PEA15: variants seen among roughly 807,000 people sequenced by gnomAD.
PEA15 encodes the protein astrocytic phosphoprotein PEA-15.
For synonymous variants in PEA15, 60 were observed against 61.8 expected, an observed-to-expected ratio of 0.97 and a Z score of 0.13; for missense variants, 77 against 161.3, an observed-to-expected ratio of 0.48 and a Z score of 2.83.
rs1419982262 is a variant in PEA15 at position 160,214,773 on chromosome 1, C to CAA, written c.*1292_*1293dup. On this transcript the variant is annotated 3_prime_UTR_variant, in exon 4 of 4. Transcript: ENST00000360472. ...GTCCAAACAAAAAAGAAGGCTTTTT[C>CAA]AAAAAACATTAAATTCACATGCAGT... 6.6e-6 allele frequency: 1 copy of CAA among 152,426 alleles called. No homozygotes were observed. Among genetic ancestry groups the CAA allele is most frequent in the African/African-American group, 2.4e-5 (1 of 41,400 alleles). 9.4% of individuals were successfully genotyped at this position (152,426 alleles called of 1,614,324 possible).
In PEA15 at chr1:160,213,788, T is replaced by A. The variant is rs931319329; in HGVS notation, c.*302T>A. 2.8e-5 allele frequency: 10 copies of A among 362,668 alleles called. No homozygotes were observed. Among genetic ancestry groups the A allele is most frequent in the Non-Finnish European group, 5.2e-5 (10 of 193,072 alleles). The allele number at this position is 362,668 out of a possible 1,614,324, so 22.5% of individuals were successfully genotyped here. The stretch of plus-strand genomic sequence containing the variant: ...CAAATAGAAATCAGCACATTCCTCC[T>A]ACTTCCCTTTCCTCCACTCCCCCCA... On this transcript the variant is annotated 3_prime_UTR_variant, in exon 4 of 4. Transcript: ENST00000360472. The surrounding 1 kb of genome is among the most constrained non-coding windows in gnomAD (Gnocchi z 5.3).
intron 1 of PEA15, chr1:160,211,247 A>G: frequency 9.4e-7 from 1 of 1,063,306 alleles, no homozygotes; most frequent in Non-Finnish European, 1.1e-6. Context: ...CTCCTCAGTC[A>G]GGGGAACTGT....
At chr1:160,209,510 GACACAC>G (rs111598251) in intron 1 of PEA15, among the ~76,000 whole-genome samples, 9 of 146,612 alleles carry the variant, frequency 6.1e-5, no homozygotes, top group Admixed American at 2.0e-4. Context: ...AACTCCTCCC[GACACAC>G]ACACACACAC....
chr1:160,208,591 G>A lies in PEA15; in HGVS notation c.-2-2952G>A, dbSNP rs1223090943. 1.3e-6 allele frequency: 2 copies of A among 1,550,256 alleles called. No individual in the cohort carries two copies. Among genetic ancestry groups the A allele is most frequent in the South Asian group, 2.4e-5 (2 of 84,056 alleles). On this transcript the variant is annotated intron_variant, in intron 1 of 3. Coordinates refer to ENST00000360472, the MANE Select transcript of PEA15 (RefSeq NM_003768.5). This position sits in a 1 kb window ranked among gnomAD's most constrained non-coding sequence, Gnocchi z 4.1. ...AGCCCTAAGGAAATCTGAATCTCTG[G>A]TGAGGAAAGTGACATGGAGGATGAA...
At chr1:160,212,982 C>A in intron 2 of PEA15, 128 bp from the exon 3 acceptor site, 1 of 850,954 alleles carries the variant, frequency 1.2e-6, no homozygotes, top group Non-Finnish European at 1.9e-6. Flanking sequence ...GCCCCTCTTC[C>A]TCCAGTGTTG....
chr1:160,214,445 GGACT>G lies in PEA15; in HGVS notation c.*960_*963del, dbSNP rs1236902974. The G allele has an allele frequency of 6.6e-6, 1 of 152,222 alleles. No individual in the cohort carries two copies. The highest frequency in any genetic ancestry group is 1.5e-5 in the Non-Finnish European group (1 of 68,074). The allele number at this position is 152,222 out of a possible 1,614,324, so 9.4% of individuals were successfully genotyped here. ...CCCCACCCCAATTCAATCCCGGAAG[GGACT>G]TACTTAGGAAACCCTTCTTTACTAG... On this transcript the variant is annotated 3_prime_UTR_variant, in exon 4 of 4. Transcript: ENST00000360472.
rs1654695692 is a variant in PEA15, at chr1:160,208,393, A to G, written c.-3+2871A>G. ...GGTGAGCCTAGCACAGAAAGCTGGG[A>G]GGGAAGAGGACTGACTTCCTGGCAG... On this transcript the variant is annotated intron_variant, in intron 1 of 3. Transcript: ENST00000360472. This position sits in a 1 kb window ranked among gnomAD's most constrained non-coding sequence, Gnocchi z 4.1. The G allele has an allele frequency of 8.8e-6, 5 of 569,438 alleles. No homozygotes were observed. Among genetic ancestry groups the G allele is most frequent in the South Asian group, 8.7e-5 (4 of 45,940 alleles). The allele number at this position is 569,438 out of a possible 1,614,324, so 35.3% of individuals were successfully genotyped here.
In PEA15 at chr1:160,211,528, G is replaced by A. The variant is rs1338316167; in HGVS notation, c.-2-15G>A. 7.5e-6 allele frequency: 12 copies of A among 1,596,794 alleles called. No individual in the cohort carries two copies. In the East Asian group the frequency reaches 1.1e-4, roughly 15 times the overall value. ...TAAGCTCAACTCCTATCCCTTTGTCGCCTCCCAACCCCAGTCATGGCTGAG... is the reference window on the plus strand; with the variant it reads ...TAAGCTCAACTCCTATCCCTTTGTCACCTCCCAACCCCAGTCATGGCTGAG... On this transcript the variant is annotated splice_polypyrimidine_tract_variant and intron_variant, in intron 1 of 3. Transcript: ENST00000360472.
At position 160,210,185 on chromosome 1, in the gene PEA15, G is replaced by A. The variant is rs185036186; in HGVS notation, c.-2-1358G>A. Among the ~76,000 whole-genome samples, 76 of 152,336 alleles carry A rather than the reference G, an allele frequency of 5.0e-4. 1 individual carries two copies. Among genetic ancestry groups the A allele is most frequent in the African/African-American group, 1.8e-3 (75 of 41,582 alleles). ...AGTTCCCCTGCAGTAGAGCAAGAAG[G>A]AAAATGTGAATGTGTCAACCAAGCC... On this transcript the variant is annotated intron_variant, in intron 1 of 3. Coordinates refer to ENST00000360472, the MANE Select transcript of PEA15 (RefSeq NM_003768.5).
In PEA15 at chr1:160,212,188, G is replaced by A. The variant is rs147514806; in HGVS notation, c.172+472G>A. Reference sequence around the variant, plus strand: ...TGGGGAGTGGGATCTATGGATTAGAGTAATCCCTCACAGCTGGAGGCTTTA... The same window carrying A: ...TGGGGAGTGGGATCTATGGATTAGAATAATCCCTCACAGCTGGAGGCTTTA... On this transcript the variant is annotated intron_variant, in intron 2 of 3. Coordinates refer to ENST00000360472, the MANE Select transcript of PEA15 (RefSeq NM_003768.5). Among the ~76,000 whole-genome samples the A allele has an allele frequency of 5.3e-5, 8 of 151,598 alleles. No individual in the cohort carries two copies. The East Asian group carries it at 1.6e-3, about 30-fold the overall frequency.
At chr1:160,212,416 C>G (rs1010854276) in intron 2 of PEA15, among the ~76,000 whole-genome samples, 4 of 151,816 alleles carry the variant, frequency 2.6e-5, no homozygotes, top group Non-Finnish European at 1.5e-5. Context: ...TTGTAGAGAG[C>G]CTGGGTATTG....
intron 1 of PEA15, chr1:160,206,143 CAT>C (rs1654577355): frequency 6.6e-6 from 1 of 152,490 alleles, no homozygotes; most frequent in Non-Finnish European, 1.5e-5. Context: ...GACTTATACA[CAT>C]AGTCTAGCAC....
In PEA15 at chr1:160,213,358, C is replaced by T. The variant is rs866730974; in HGVS notation, c.329-64C>T. The T allele has an allele frequency of 2.4e-5, 39 of 1,609,606 alleles. 3 individuals are homozygous for T. The Middle Eastern group carries it at 4.6e-3, about 190-fold the overall frequency. ...AGTTTTGGGAGAGTGGAGGCAGATG[C>T]CCAATGGGCCTGCCTGGCATCTCCC... On this transcript the variant is annotated intron_variant, in intron 3 of 3. Transcript: ENST00000360472. The surrounding 1 kb of genome is among the most constrained non-coding windows in gnomAD (Gnocchi z 5.3).
In PEA15 at chr1:160,211,538, C is replaced by G; in HGVS notation, c.-2-5C>G. 6.2e-7 allele frequency: 1 copy of G among 1,603,950 alleles called. No homozygotes were observed. The highest frequency in any genetic ancestry group is 8.5e-7 in the Non-Finnish European group (1 of 1,172,758). On this transcript the variant is annotated splice_region_variant and splice_polypyrimidine_tract_variant and intron_variant, in intron 1 of 3. Transcript: ENST00000360472. ...TCCTATCCCTTTGTCGCCTCCCAAC[C>G]CCAGTCATGGCTGAGTACGGGACCC...
rs758933632 is a variant in PEA15 at position 160,208,523 on chromosome 1, A to G, written c.-3+3001A>G. On this transcript the variant is annotated intron_variant, in intron 1 of 3. Coordinates refer to ENST00000360472, the MANE Select transcript of PEA15 (RefSeq NM_003768.5). The surrounding 1 kb of genome is among the most constrained non-coding windows in gnomAD (Gnocchi z 4.1). ...AGCAGCTCTCTGCACTGCTCCAGAA[A>G]TCAGGAGGATTTTTCAGAGCCCAGA... is the stretch of plus-strand genomic sequence containing the variant. The G allele has an allele frequency of 6.8e-5, 88 of 1,299,730 alleles. No individual in the cohort carries two copies. The highest frequency in any genetic ancestry group is 2.2e-4 in the Admixed American group (11 of 50,536). The allele number at this position is 1,299,730 out of a possible 1,614,324, so 80.5% of individuals were successfully genotyped here.
intron 1 of PEA15, among the ~76,000 whole-genome samples, chr1:160,210,151 G>C (rs1654808990): frequency 6.6e-6 from 1 of 152,186 alleles, no homozygotes; most frequent in South Asian, 2.1e-4. Context: ...TGACCACCAT[G>C]CCAATCTCAG....
chr1:160,212,386 GAAGGT>G (rs1207717256), intron 2 of PEA15, among the ~76,000 whole-genome samples: 1 of 152,140 alleles, frequency 6.6e-6, no homozygotes, highest in Non-Finnish European at 1.5e-5. Flanking sequence ...AAATGGCTGG[GAAGGT>G]AAGGTAAGAC....
chr1:160,212,613 A>G (rs939195450), intron 2 of PEA15, among the ~76,000 whole-genome samples: 22 of 152,272 alleles, frequency 1.4e-4, no homozygotes, highest in South Asian at 2.1e-4. Context: ...AGCCATGGAC[A>G]TCGTCCTTCT....
intron 1 of PEA15, 114 bp from the exon 2 acceptor site, chr1:160,211,429 T>C (rs1358666514): frequency 1.5e-6 from 2 of 1,371,120 alleles, no homozygotes; most frequent in East Asian, 2.5e-5. Context: ...GCCTCCATGT[T>C]CCAGGCACAT....
Sources: allele counts gnomAD v4.1 joint callset (sites outside exome capture counted in the v4.1 genomes callset), GRCh38; gene constraint gnomAD v4.1.1; non-coding constraint Gnocchi (gnomAD v3.1); transcripts MANE v1.5; gene names NCBI Gene and HGNC (gene_info 2026-07-23, HGNC 2026-07-21).